EYS: variants seen among roughly 807,000 people sequenced by gnomAD.
The protein encoded by EYS is protein eyes shut homolog.
A neutral mutation model predicts 282.1 loss-of-function variants in EYS; 250 were observed. That is an observed-to-expected ratio of 0.89 (90% CI 0.80 to 0.98). The LOEUF is 0.98. Among genes scored for constraint, EYS ranks in the 50% least tolerant of loss-of-function variants. The pLI, the probability that EYS is intolerant of heterozygous loss-of-function variation, is 0.00. For synonymous variants in EYS, 1,355 were observed against 1,282.9 expected, an observed-to-expected ratio of 1.06 and a Z score of -1.20; for missense variants, 4,016 against 3,709.0, an observed-to-expected ratio of 1.08 and a Z score of -2.15.
chr6:64,406,173 T>G (rs942593251), intron 28 of EYS, among the ~76,000 whole-genome samples: 2 of 152,022 alleles, frequency 1.3e-5, no homozygotes, highest in African/African-American at 4.8e-5. Flanking sequence ...CTACAACAAT[T>G]TGATCTTTGA....
At chr6:64,953,822 C>G (rs1769594719) in intron 14 of EYS, among the ~76,000 whole-genome samples, 1 of 151,698 alleles carries the variant, frequency 6.6e-6, no homozygotes, top group Admixed American at 6.6e-5. Flanking sequence ...TGTAGAAAAA[C>G]ACAATTTCTT....
intron 2 of EYS, among the ~76,000 whole-genome samples, chr6:65,503,902 A>G (rs1582387247): frequency 6.6e-6 from 1 of 151,522 alleles, no homozygotes; most frequent in African/African-American, 2.4e-5. Context: ...GTATTCTCCA[A>G]CCTTATTTTC....
chr6:63,883,004 T>C (rs1773174320), intron 35 of EYS, among the ~76,000 whole-genome samples: 1 of 152,146 alleles, frequency 6.6e-6, no homozygotes, highest in Non-Finnish European at 1.5e-5. Context: ...ATTAGTGTGA[T>C]TTTACTCCCC....
intron 15 of EYS, among the ~76,000 whole-genome samples, chr6:64,924,312 C>G (rs969101187): frequency 9.2e-5 from 14 of 152,120 alleles, no homozygotes; most frequent in African/African-American, 3.4e-4. Flanking sequence ...CACAGGGCAC[C>G]AAGTCCCTAG....
chr6:65,529,441 G>C, intron 2 of EYS, among the ~76,000 whole-genome samples: 1 of 152,174 alleles, frequency 6.6e-6, no homozygotes, highest in East Asian at 1.9e-4. Flanking sequence ...CAATTCAGAA[G>C]TACAGGAGAA....
At chr6:65,619,349 CTGTT>C (rs377644278) in intron 2 of EYS, among the ~76,000 whole-genome samples, 3 of 151,942 alleles carry the variant, frequency 2.0e-5, no homozygotes, top group Admixed American at 6.6e-5. Flanking sequence ...ATTTGCCTCT[CTGTT>C]TGTCTGTTAT....
chr6:65,564,080 G>C (rs1040316003), intron 2 of EYS, among the ~76,000 whole-genome samples: 1 of 151,908 alleles, frequency 6.6e-6, no homozygotes, highest in Non-Finnish European at 1.5e-5. Context: ...GTGAAGGACC[G>C]CTTCAGGGAG....
intron 31 of EYS, among the ~76,000 whole-genome samples, chr6:64,176,899 C>T (rs1371168362): frequency 6.6e-6 from 1 of 151,758 alleles, no homozygotes; most frequent in African/African-American, 2.4e-5. Context: ...AGTCTAGTTT[C>T]CATTTGACTT....
At chr6:64,644,645 A>G (rs927209191) in intron 22 of EYS, among the ~76,000 whole-genome samples, 2 of 152,210 alleles carry the variant, frequency 1.3e-5, no homozygotes, top group Admixed American at 1.3e-4. Context: ...ACATTATGAT[A>G]TGAAAAGATG....
chr6:64,619,294 G>T (rs926973653), intron 23 of EYS, among the ~76,000 whole-genome samples: 1 of 152,110 alleles, frequency 6.6e-6, no homozygotes, highest in Non-Finnish European at 1.5e-5. Flanking sequence ...TGAAGAACAT[G>T]ATAAAGCTTT....
intron 8 of EYS, among the ~76,000 whole-genome samples, chr6:65,377,362 G>C (rs1180438260): frequency 6.6e-6 from 1 of 152,082 alleles, no homozygotes; most frequent in Non-Finnish European, 1.5e-5. Flanking sequence ...ATCTCTGGGA[G>C]AGAGCTAAAG....
chr6:65,082,997 C>T (rs898466671), intron 12 of EYS, among the ~76,000 whole-genome samples: 3 of 151,888 alleles, frequency 2.0e-5, no homozygotes, highest in Non-Finnish European at 2.9e-5. Flanking sequence ...AAATACTATA[C>T]TATCTTTCAA....
intron 5 of EYS, among the ~76,000 whole-genome samples, chr6:65,449,327 G>C (rs934553663): frequency 1.3e-5 from 2 of 152,078 alleles, no homozygotes; most frequent in African/African-American, 4.8e-5. Context: ...ATGCATATAA[G>C]ACAGGTGAAG....
intron 41 of EYS, among the ~76,000 whole-genome samples, chr6:63,760,638 G>A (rs1769608299): frequency 7.0e-6 from 1 of 142,000 alleles, no homozygotes; most frequent in Non-Finnish European, 1.5e-5. Flanking sequence ...ACATATGTAT[G>A]TATGTATGTA....
At chr6:64,129,546 G>A (rs1417543766) in intron 31 of EYS, among the ~76,000 whole-genome samples, 1 of 152,098 alleles carries the variant, frequency 6.6e-6, no homozygotes, top group Non-Finnish European at 1.5e-5. Context: ...TGTCAGATGA[G>A]TAGATTGCAA....
chr6:63,808,893 AAT>A (rs1248106006), intron 36 of EYS, among the ~76,000 whole-genome samples: 2 of 152,178 alleles, frequency 1.3e-5, no homozygotes, highest in African/African-American at 4.8e-5. Flanking sequence ...GGTTAAATAA[AAT>A]ATATTACTAA....
intron 33 of EYS, 73 bp from the exon 34 acceptor site, chr6:63,999,256 G>C: frequency 1.1e-6 from 1 of 916,684 alleles, no homozygotes; most frequent in Non-Finnish European, 1.7e-6. Context: ...CACATGGATA[G>C]TAAGTACTTC....
intron 35 of EYS, among the ~76,000 whole-genome samples, chr6:63,956,501 C>G (rs767251477): frequency 1.3e-5 from 2 of 152,180 alleles, no homozygotes; most frequent in African/African-American, 4.8e-5. Flanking sequence ...TTGGTGGTCT[C>G]TTCACATGGA....
chr6:64,771,626 TGATTTCACTTTCATCTTAG>T (rs1284173487), intron 22 of EYS, among the ~76,000 whole-genome samples: 1 of 151,764 alleles, frequency 6.6e-6, no homozygotes, highest in Admixed American at 6.6e-5. Context: ...ACTTCTGTTT[TGATTTCACTTTCATCTTAG>T]GAATTCTGTA....
Sources: allele counts gnomAD v4.1 joint callset (sites outside exome capture counted in the v4.1 genomes callset), GRCh38; gene constraint gnomAD v4.1.1; transcripts MANE v1.5; gene names NCBI Gene and HGNC (gene_info 2026-07-23, HGNC 2026-07-21).